DLC1: variants seen among roughly 807,000 people sequenced by gnomAD.
The protein encoded by DLC1 is DLC1 Rho GTPase activating protein.
Under a neutral mutation model 140.3 loss-of-function variants are expected in DLC1, and 54 were observed. The ratio of observed to expected loss-of-function variants is 0.38; its 90% CI spans 0.31 to 0.48. DLC1 has a LOEUF of 0.48. Among genes scored for constraint, DLC1 ranks in the 20% least tolerant of loss-of-function variants. DLC1 has a pLI of 0.96. For synonymous variants in DLC1, 986 were observed against 728.1 expected (o/e 1.35, Z -5.70); for missense variants, 2,536 against 1,907.0 (o/e 1.33, Z -6.14).
At chr8:13,407,942 C>T (rs934044461) in intron 2 of DLC1, among the ~76,000 whole-genome samples, 1 of 152,114 alleles carries the variant, frequency 6.6e-6, no homozygotes, top group Non-Finnish European at 1.5e-5. Flanking sequence ...TCTAGACTTT[C>T]CTTTCTTAAA....
chr8:13,267,157 T>G (rs1427347057), intron 5 of DLC1, among the ~76,000 whole-genome samples: 2 of 152,214 alleles, frequency 1.3e-5, no homozygotes, highest in Admixed American at 6.5e-5. Flanking sequence ...TTTTCGTCAG[T>G]GAAACATTAG....
chr8:13,384,830 A>T (rs1007705172), intron 4 of DLC1, among the ~76,000 whole-genome samples: 20 of 152,244 alleles, frequency 1.3e-4, no homozygotes, highest in African/African-American at 3.9e-4. Flanking sequence ...CTTAGAAATG[A>T]ATGCAATGCC....
intron 5 of DLC1, chr8:13,160,323 G>A (rs1171848892): frequency 1.3e-5 from 2 of 152,232 alleles, no homozygotes; most frequent in African/African-American, 4.8e-5. Context: ...CTAACTTTGT[G>A]TTGCTAACTT....
intron 2 of DLC1, among the ~76,000 whole-genome samples, chr8:13,428,536 C>G (rs1257386314): frequency 1.3e-5 from 2 of 152,160 alleles, no homozygotes; most frequent in African/African-American, 4.8e-5. Flanking sequence ...TCGAACATAT[C>G]TGAGCATAAG....
At chr8:13,487,905 T>G (rs4831442) in intron 2 of DLC1, among the ~76,000 whole-genome samples, 1 of 152,224 alleles carries the variant, frequency 6.6e-6, no homozygotes, top group East Asian at 1.9e-4. Context: ...AAGAAGGCGA[T>G]CATTGATATT....
chr8:13,374,844 A>G (rs1164359408), intron 4 of DLC1, among the ~76,000 whole-genome samples: 2 of 152,022 alleles, frequency 1.3e-5, no homozygotes, highest in East Asian at 1.9e-4. Flanking sequence ...ATGTTCATTC[A>G]TTTGTTTGTG....
intron 8 of DLC1, 99 bp from the exon 9 acceptor site, chr8:13,100,869 A>G: frequency 8.1e-7 from 1 of 1,239,408 alleles, no homozygotes; most frequent in Non-Finnish European, 1.1e-6. Flanking sequence ...AGTAGTATCA[A>G]TTTCCCCCTT....
intron 5 of DLC1, among the ~76,000 whole-genome samples, chr8:13,227,714 T>C (rs747359329): frequency 1.3e-5 from 2 of 152,194 alleles, no homozygotes; most frequent in Non-Finnish European, 2.9e-5. Flanking sequence ...TGACGAAAGA[T>C]AAATTAAGTT....
Position 13,351,791 on chromosome 8 carries a change from T to C in DLC1, c.1314+41762A>G, listed in dbSNP as rs935981238. 4.6e-5 allele frequency among the ~76,000 whole-genome samples: 7 copies of C among 152,392 alleles called. 1 individual carries two copies. In the East Asian group the frequency reaches 1.3e-3, roughly 29 times the overall value. On this transcript the variant is annotated intron_variant, in intron 4 of 17. Coordinates refer to ENST00000276297, the MANE Select transcript of DLC1 (RefSeq NM_182643.3). ...AATAATTCCCTGGATGTCTATGTTC[T>C]GACACACTTCTCAAAAGAAATTCCA...
chr8:13,563,604 G>A (rs1479370245), intron 1 of DLC1, among the ~76,000 whole-genome samples: 1 of 152,078 alleles, frequency 6.6e-6, no homozygotes, highest in Non-Finnish European at 1.5e-5. Flanking sequence ...TTGGTGTAAA[G>A]GGTAGAATAT....
intron 5 of DLC1, among the ~76,000 whole-genome samples, chr8:13,173,177 C>G (rs1585837641): frequency 6.6e-6 from 1 of 152,176 alleles, no homozygotes; most frequent in South Asian, 2.1e-4. Flanking sequence ...TTAAAGTTCC[C>G]CATGAGAGGT....
chr8:13,171,061 A>G (rs892930025), intron 5 of DLC1, among the ~76,000 whole-genome samples: 1 of 152,212 alleles, frequency 6.6e-6, no homozygotes, highest in African/African-American at 2.4e-5. Context: ...TAAATTGCTG[A>G]ATCAGGGAGA....
Position 13,099,765 on chromosome 8 carries a change from C to T in DLC1, c.2572G>A (p.Asp858Asn), listed in dbSNP as rs1046987046. The T allele has an allele frequency of 6.2e-7, 1 of 1,614,084 alleles. No individual in the cohort carries two copies. The highest frequency in any genetic ancestry group is 2.2e-5 in the East Asian group (1 of 44,862). Residue 858 changes from aspartate (D) to asparagine (N), a missense_variant, in exon 9 of 18, where the codon GAC (aspartate) becomes AAC (asparagine). By Grantham distance (23) the Asp-to-Asn change is conservative. Transcript: ENST00000276297. ...HISLRRENSSDSPKELKRRNS... is the reference protein window; with the variant it reads ...HISLRRENSSNSPKELKRRNS... ...CGTCTCTTCAGTTCCTTGGGGCTGT[C>T]GCTACTGTTTTCCCTCCTGAGGCTG...
At chr8:13,220,268 G>A (rs1420892816) in intron 5 of DLC1, among the ~76,000 whole-genome samples, 1 of 152,102 alleles carries the variant, frequency 6.6e-6, no homozygotes, top group Middle Eastern at 3.2e-3. Flanking sequence ...TTTGAAGAAG[G>A]TGGGCTTCTG....
chr8:13,447,812 G>GATTAGCTA (rs1798851452), intron 2 of DLC1, among the ~76,000 whole-genome samples: 1 of 151,970 alleles, frequency 6.6e-6, no homozygotes, highest in African/African-American at 2.4e-5. Context: ...TTTCCTACCA[G>GATTAGCTA]ATTAGCTAAA....
At chr8:13,280,992 T>C (rs1831347705) in intron 5 of DLC1, among the ~76,000 whole-genome samples, 1 of 152,148 alleles carries the variant, frequency 6.6e-6, no homozygotes. Context: ...ATGCTGTAAC[T>C]CCACAGAAGA....
chr8:13,490,923 A>G (rs1251127707), intron 2 of DLC1, among the ~76,000 whole-genome samples: 1 of 150,666 alleles, frequency 6.6e-6, no homozygotes, highest in Non-Finnish European at 1.5e-5. Flanking sequence ...TTTTCCCAAT[A>G]ATATCTGGAA....
chr8:13,516,113 T>A (rs1381538095), upstream of DLC1, among the ~76,000 whole-genome samples: 1 of 152,192 alleles, frequency 6.6e-6, no homozygotes, highest in Non-Finnish European at 1.5e-5. Flanking sequence ...GTCTCCCTTC[T>A]ACTTTATTTA....
rs143866392 is a variant in DLC1, at chr8:13,492,726, T to C, written c.1023+6323A>G. On this transcript the variant is annotated intron_variant, in intron 2 of 17. Coordinates refer to ENST00000276297, the MANE Select transcript of DLC1 (RefSeq NM_182643.3). ...GGATATTGAAAATGCTCAATATTTA[T>C]TGATTGATTTTACCAGACGCTATAC... 6.2e-4 allele frequency among the ~76,000 whole-genome samples: 95 copies of C among 152,330 alleles called. 3 individuals carry two copies. The East Asian group carries it at 0.018, about 28-fold the overall frequency.
Sources: gnomAD v4.1 joint callset for allele counts (sites outside exome capture counted in the v4.1 genomes callset) on GRCh38, gnomAD v4.1.1 for gene constraint, MANE v1.5 for transcripts, NCBI Gene and HGNC (gene_info 2026-07-23, HGNC 2026-07-21) for gene names.